SEC31B: variants seen among roughly 807,000 people sequenced by gnomAD.
SEC31B encodes SEC31 homolog B, COPII component, also known as protein transport protein Sec31B.
In SEC31B, 113 loss-of-function variants were observed where a neutral mutation model predicts 135.0. The ratio of observed to expected loss-of-function variants is 0.84; its 90% CI spans 0.72 to 0.98. The LOEUF is 0.98. Among genes scored for constraint, SEC31B ranks in the 50% least tolerant of loss-of-function variants. The probability of loss-of-function intolerance (pLI) is 0.00; values close to 1 mark genes in which losing one functional copy is unlikely to be tolerated. For missense variants in SEC31B, 1,296 were observed against 1,421.1 expected, an observed-to-expected ratio of 0.91 and a Z score of 1.42; for synonymous variants, 508 against 549.4, an observed-to-expected ratio of 0.92 and a Z score of 1.05.
rs1042325447 is a variant in SEC31B at position 100,507,460 on chromosome 10, G to A, written c.747C>T (p.Ala249=). The change falls in exon 7 of 26, where the codon GCC becomes GCT. Residue 249 remains alanine (A), a synonymous_variant. Coordinates refer to ENST00000370345, the MANE Select transcript of SEC31B (RefSeq NM_015490.4). The part of the protein sequence containing the change: ...PVIQLWDLRF[A]SSPLKVLESH... ...TCTCCAGCACCTTCAAGGGCGAGGAGGCAAAGCGCAAGTCCCACAGCTGAA... is the reference window on the plus strand; with the variant it reads ...TCTCCAGCACCTTCAAGGGCGAGGAAGCAAAGCGCAAGTCCCACAGCTGAA... 6.2e-7 allele frequency: 1 copy of A among 1,614,222 alleles called. No homozygotes were observed.
chr10:100,514,171 T>G (rs1168259078), intron 3 of SEC31B, among the ~76,000 whole-genome samples: 1 of 151,872 alleles, frequency 6.6e-6, no homozygotes, highest in Non-Finnish European at 1.5e-5. Context: ...GGTGACAGAG[T>G]GAGATTCTGT....
rs771109312 is a variant in SEC31B, at chr10:100,516,171, A to G, written c.128T>C (p.Leu43Ser). Reference protein sequence around the residue: ...LDSSFSTNGTLEIFEVDFRDP... With the variant: ...LDSSFSTNGTSEIFEVDFRDP... ...CCTGAAATCAACCTCAAATATTTCC[A>G]ATGTGCCATTTGTGCTGAAGGAGGA... The change falls in exon 3 of 26, where the codon TTG becomes TCG. Residue 43 changes from leucine to serine, a missense_variant. By Grantham distance (145) the Leu-to-Ser change is moderately radical. Coordinates refer to ENST00000370345, the MANE Select transcript of SEC31B (RefSeq NM_015490.4). 6.2e-7 allele frequency: 1 copy of G among 1,614,012 alleles called. No homozygotes were observed. The highest frequency in any genetic ancestry group is 1.1e-5 in the South Asian group (1 of 91,026).
chr10:100,489,626 T>C (rs1851261125), intron 22 of SEC31B, 77 bp downstream of exon 22: 1 of 1,600,032 alleles, frequency 6.2e-7, no homozygotes, highest in Non-Finnish European at 8.6e-7. Context: ...GGGGAAGGAC[T>C]GACTGAATCC....
intron 5 of SEC31B, 106 bp downstream of exon 5, chr10:100,508,901 G>A (rs1226623762): frequency 1.1e-5 from 9 of 853,660 alleles, no homozygotes; most frequent in Middle Eastern, 3.2e-4. Flanking sequence ...CCCTCCAGTG[G>A]TAAAGTTTGA....
At chr10:100,489,521 G>T in intron 22 of SEC31B, 123 bp from the exon 23 acceptor site, 3 of 1,363,672 alleles carry the variant, frequency 2.2e-6, no homozygotes, top group East Asian at 2.4e-5. Flanking sequence ...ACTGGGAAGT[G>T]AGGAGACTGG....
At chr10:100,495,053 C>G (rs1361477613) in intron 19 of SEC31B, 2 of 325,610 alleles carry the variant, frequency 6.1e-6, no homozygotes, top group Admixed American at 8.8e-5. Context: ...GTCTCGAACT[C>G]CAAACCTCAT....
intron 11 of SEC31B, 42 bp from the exon 12 acceptor site, chr10:100,499,640 C>A: frequency 7.1e-7 from 1 of 1,407,742 alleles, no homozygotes; most frequent in African/African-American, 1.4e-5. Flanking sequence ...ATTAAATGAA[C>A]ATAAATGACG....
Position 100,506,411 on chromosome 10 carries a change from C to T in SEC31B, c.792G>A (p.Leu264=), listed in dbSNP as rs1224539755. 3.1e-6 allele frequency: 5 copies of T among 1,614,112 alleles called. No homozygotes were observed. In the South Asian group the frequency reaches 4.4e-5, roughly 14 times the overall value. Residue 264 remains leucine (L), a synonymous_variant, in exon 8 of 26, where the codon TTG becomes TTA. Coordinates refer to ENST00000370345, the MANE Select transcript of SEC31B (RefSeq NM_015490.4). ...KVLESHSRGI[L]SVSWSQADAE... The stretch of plus-strand genomic sequence containing the variant: ...CATCAGCCTGGCTCCATGACACTGA[C>T]AAGATCCCCCTAAAAAGAGAAGGGA...
chr10:100,489,613 G>C (rs1158972798), intron 22 of SEC31B, 90 bp downstream of exon 22: 2 of 1,578,960 alleles, frequency 1.3e-6, no homozygotes, highest in African/African-American at 2.7e-5. Context: ...GACAGTCTGA[G>C]AAGGGGAAGG....
chr10:100,497,008 G>C, intron 17 of SEC31B, 127 bp downstream of exon 17: 1 of 1,065,610 alleles, frequency 9.4e-7, no homozygotes, highest in Non-Finnish European at 1.3e-6. Flanking sequence ...AGGACCTTTC[G>C]CTCCTCCCTA....
chr10:100,506,475 G>T (rs1564652584), intron 7 of SEC31B, 55 bp from the exon 8 acceptor site: 3 of 1,523,590 alleles, frequency 2.0e-6, no homozygotes, highest in South Asian at 1.1e-5. Flanking sequence ...CTATGAGTAG[G>T]GTGCCTTATA....
Position 100,488,910 on chromosome 10 carries a change from T to C in SEC31B, c.3236A>G (p.Lys1079Arg), listed in dbSNP as rs530013563. 58 of 1,611,824 alleles carry C rather than the reference T, an allele frequency of 3.6e-5. 1 individual carries two copies. In the South Asian group the frequency reaches 6.0e-4, roughly 17 times the overall value. The change falls in exon 24 of 26, where the codon AAG becomes AGG. Residue 1079 changes from lysine (K) to arginine (R), a missense_variant. Lys to Arg is a conservative substitution (Grantham distance 26, BLOSUM62 2). Coordinates refer to ENST00000370345, the MANE Select transcript of SEC31B (RefSeq NM_015490.4). ...TTGGAGAAGCGCCTCAAAGCTGCTCTTCAAGGACTGATGCTCTGGGGGCAG... is the reference window on the plus strand; with the variant it reads ...TTGGAGAAGCGCCTCAAAGCTGCTCCTCAAGGACTGATGCTCTGGGGGCAG... ...KELPPEHQSLKSSFEALLQRC... is the reference protein window; with the variant it reads ...KELPPEHQSLRSSFEALLQRC...
Position 100,490,106 on chromosome 10 carries a change from G to A in SEC31B, c.2867C>T (p.Ala956Val). Residue 956 changes from alanine to valine, a missense_variant, in exon 21 of 26, where the codon GCC (alanine) becomes GTC (valine). By Grantham distance (64) the Ala-to-Val change is moderately conservative. Transcript: ENST00000370345. ...GPGRMVSHTP[A>V]PPASFPVPYL... ...TGGCACAGGGAAGCTTGCAGGAGGG[G>A]CTGGGGTGTGGGAGACCATGCGGCC... The A allele has an allele frequency of 6.3e-7, 1 of 1,586,522 alleles. No homozygotes were observed. The highest frequency in any genetic ancestry group is 1.3e-5 in the African/African-American group (1 of 74,350).
chr10:100,503,684 C>T (rs1185324785), intron 10 of SEC31B, among the ~76,000 whole-genome samples: 1 of 152,012 alleles, frequency 6.6e-6, no homozygotes, highest in Non-Finnish European at 1.5e-5. Flanking sequence ...ATCCACCTGC[C>T]TCGGCCTCCC....
chr10:100,515,987 G>A, intron 3 of SEC31B, 109 bp downstream of exon 3: 1 of 1,355,604 alleles, frequency 7.4e-7, no homozygotes, highest in Non-Finnish European at 1.0e-6. Flanking sequence ...ACTTGGCAAA[G>A]CTCCTTCTTC....
intron 20 of SEC31B, 142 bp from the exon 21 acceptor site, chr10:100,490,464 A>G: frequency 1.0e-6 from 1 of 1,001,678 alleles, no homozygotes; most frequent in East Asian, 2.8e-5. Flanking sequence ...TTTACAAAAT[A>G]CTTTTAACTA....
intron 19 of SEC31B, among the ~76,000 whole-genome samples, chr10:100,492,212 A>G (rs1229083795): frequency 1.3e-5 from 2 of 152,168 alleles, no homozygotes; most frequent in African/African-American, 4.8e-5. Context: ...AGGCAAGAAC[A>G]TTCATGTTCA....
At chr10:100,497,982 G>C in intron 15 of SEC31B, 47 bp downstream of exon 15, 1 of 1,607,460 alleles carries the variant, frequency 6.2e-7, no homozygotes, top group Non-Finnish European at 8.5e-7. Context: ...CACCTCACAA[G>C]GTCCAAGTAA....
chr10:100,509,037 A>T lies in SEC31B; in HGVS notation c.465T>A (p.Asn155Lys), dbSNP rs1455978647. The T allele has an allele frequency of 6.2e-7, 1 of 1,614,196 alleles. No homozygotes were observed. The highest frequency in any genetic ancestry group is 1.7e-5 in the Admixed American group (1 of 60,022). ...EIFIWDLNNL[N>K]VPMTLGSKSQ... ...ACTTGGATCCCAGGGTCATTGGCAC[A>T]TTCAAGTTATTCAGATCCCAAATGA... The change falls in exon 5 of 26, where the codon AAT (asparagine) becomes AAA (lysine). Residue 155 changes from asparagine to lysine, a missense_variant. Physicochemically the swap from Asn to Lys is moderately conservative, Grantham distance 94. Coordinates refer to ENST00000370345, the MANE Select transcript of SEC31B (RefSeq NM_015490.4).
Sources: gnomAD v4.1 joint callset for allele counts (sites outside exome capture counted in the v4.1 genomes callset) on GRCh38, gnomAD v4.1.1 for gene constraint, MANE v1.5 for transcripts, NCBI Gene and HGNC (gene_info 2026-07-23, HGNC 2026-07-21) for gene names.